CNTN5: variants seen among roughly 807,000 people sequenced by gnomAD.
The protein encoded by CNTN5 is contactin-5.
In CNTN5, 77 loss-of-function variants were observed where a neutral mutation model predicts 129.1. That is an observed-to-expected ratio of 0.60 (90% CI 0.50 to 0.72). CNTN5 has a LOEUF of 0.72. Among genes scored for constraint, CNTN5 ranks in the 30% least tolerant of loss-of-function variants. The pLI, the probability that CNTN5 is intolerant of heterozygous loss-of-function variation, is 0.00. For synonymous variants in CNTN5, 509 were observed against 465.6 expected, an observed-to-expected ratio of 1.09 and a Z score of -1.20; for missense variants, 1,478 against 1,328.8, an observed-to-expected ratio of 1.11 and a Z score of -1.75.
At chr11:100,020,936 G>GATAA (rs1387464314) in intron 9 of CNTN5, among the ~76,000 whole-genome samples, 1 of 151,936 alleles carries the variant, frequency 6.6e-6, no homozygotes, top group East Asian at 1.9e-4. Flanking sequence ...AAAATAAATA[G>GATAA]AAAGATACCC....
At chr11:99,057,956 A>G (rs1416106717) in intron 1 of CNTN5, among the ~76,000 whole-genome samples, 1 of 151,996 alleles carries the variant, frequency 6.6e-6, no homozygotes. Context: ...TGTGGATATA[A>G]GGAAAATAAT....
chr11:99,213,974 A>T (rs1198542629), intron 1 of CNTN5, among the ~76,000 whole-genome samples: 2 of 152,190 alleles, frequency 1.3e-5, no homozygotes, highest in Non-Finnish European at 2.9e-5. Flanking sequence ...TTTTTGAATC[A>T]TACTATGTGT....
At chr11:99,663,250 C>T (rs904643161) in intron 3 of CNTN5, among the ~76,000 whole-genome samples, 1 of 152,092 alleles carries the variant, frequency 6.6e-6, no homozygotes, top group Non-Finnish European at 1.5e-5. Context: ...CTGGCAGATC[C>T]TGAGGTCAGG....
At chr11:100,107,090 G>A (rs1945467029) in intron 13 of CNTN5, among the ~76,000 whole-genome samples, 1 of 152,114 alleles carries the variant, frequency 6.6e-6, no homozygotes, top group African/African-American at 2.4e-5. Context: ...TGGATTGATA[G>A]TTTCTAGTTT....
At chr11:100,308,669 C>G in intron 21 of CNTN5, 1 of 1,217,436 alleles carries the variant, frequency 8.2e-7, no homozygotes, top group Non-Finnish European at 1.0e-6. Flanking sequence ...ACAGTAGCTT[C>G]CGTAGCACTA....
intron 15 of CNTN5, among the ~76,000 whole-genome samples, chr11:100,210,859 C>A (rs1450512417): frequency 6.6e-6 from 1 of 152,118 alleles, no homozygotes; most frequent in African/African-American, 2.4e-5. Flanking sequence ...CTATATGGCT[C>A]GATATGCCAA....
intron 1 of CNTN5, among the ~76,000 whole-genome samples, chr11:99,242,306 G>C (rs1165749434): frequency 6.6e-6 from 1 of 151,964 alleles, no homozygotes; most frequent in African/African-American, 2.4e-5. Context: ...AGGTGTGTGA[G>C]GAAGAAACAT....
chr11:99,289,587 A>G (rs890052975), intron 1 of CNTN5, among the ~76,000 whole-genome samples: 3 of 151,612 alleles, frequency 2.0e-5, no homozygotes, highest in African/African-American at 7.3e-5. Flanking sequence ...TATGTATTCA[A>G]TCTACTCCAA....
intron 18 of CNTN5, 87 bp downstream of exon 18, chr11:100,271,328 T>C (rs1056783912): frequency 5.6e-6 from 5 of 896,206 alleles, no homozygotes; most frequent in East Asian, 5.8e-5. Context: ...GCTCCATTGC[T>C]TGCTTTAGCA....
chr11:99,209,557 C>T (rs893945294), intron 1 of CNTN5, among the ~76,000 whole-genome samples: 2 of 152,184 alleles, frequency 1.3e-5, no homozygotes, highest in African/African-American at 4.8e-5. Flanking sequence ...CGCCATGATC[C>T]AGTACCTTCC....
At chr11:100,336,357 A>C (rs923677968) in intron 21 of CNTN5, among the ~76,000 whole-genome samples, 1 of 152,248 alleles carries the variant, frequency 6.6e-6, no homozygotes, top group Non-Finnish European at 1.5e-5. Context: ...AATGTTTTAC[A>C]GTAGGACCAT....
intron 1 of CNTN5, among the ~76,000 whole-genome samples, chr11:99,031,024 C>G (rs891984739): frequency 2.6e-5 from 4 of 151,930 alleles, no homozygotes; most frequent in African/African-American, 9.7e-5. Flanking sequence ...GTCTTGATCT[C>G]CTGACCTCGT....
chr11:99,857,997 A>T (rs1948091990), intron 6 of CNTN5, among the ~76,000 whole-genome samples: 1 of 152,128 alleles, frequency 6.6e-6, no homozygotes, highest in Admixed American at 6.5e-5. Flanking sequence ...GCCAGTGCTT[A>T]AAGTGTCTAC....
chr11:99,385,983 T>A (rs964588100), intron 2 of CNTN5, among the ~76,000 whole-genome samples: 1 of 152,092 alleles, frequency 6.6e-6, no homozygotes, highest in African/African-American at 2.4e-5. Flanking sequence ...TGACCTGGAG[T>A]CCTCAGTATA....
At chr11:100,354,082 C>T (rs996473233) in intron 24 of CNTN5, among the ~76,000 whole-genome samples, 3 of 151,508 alleles carry the variant, frequency 2.0e-5, no homozygotes, top group Non-Finnish European at 4.4e-5. Context: ...CTCAATTACT[C>T]TAAGCAAGTT....
chr11:100,347,664 A>G (rs534721585), intron 23 of CNTN5, among the ~76,000 whole-genome samples: 9 of 152,244 alleles, frequency 5.9e-5, no homozygotes, highest in Non-Finnish European at 1.3e-4. Flanking sequence ...GACACCCTGC[A>G]GGCAGTGAAT....
At chr11:99,652,631 T>C (rs1952199856) in intron 3 of CNTN5, among the ~76,000 whole-genome samples, 1 of 152,030 alleles carries the variant, frequency 6.6e-6, no homozygotes, top group East Asian at 1.9e-4. Context: ...ACTTATTTGG[T>C]GAAAAATTTT....
At chr11:99,855,377 T>G (rs115976357) in intron 6 of CNTN5, among the ~76,000 whole-genome samples, 1 of 152,170 alleles carries the variant, frequency 6.6e-6, no homozygotes, top group African/African-American at 2.4e-5. Flanking sequence ...AAGTTCAGTA[T>G]GATAGAAACA....
At chr11:100,057,690 AC>A (rs35481716) in intron 9 of CNTN5, among the ~76,000 whole-genome samples, 82,925 of 151,680 alleles carry the variant, frequency 0.55, 23,424 homozygotes, top group East Asian at 0.75. Context: ...TCCCGAGGTC[AC>A]CATAGCATCT....
Sources: gnomAD v4.1 joint callset for allele counts (sites outside exome capture counted in the v4.1 genomes callset) on GRCh38, gnomAD v4.1.1 for gene constraint, MANE v1.5 for transcripts, NCBI Gene and HGNC (gene_info 2026-07-23, HGNC 2026-07-21) for gene names.